The following GLRA2 variants were observed in gnomAD, a reference collection of about 807,000 sequenced individuals.
GLRA2 encodes the protein glycine receptor alpha 2.
In GLRA2, 11 loss-of-function variants were observed where a neutral mutation model predicts 31.6. The ratio of observed to expected loss-of-function variants is 0.35; its 90% CI spans 0.22 to 0.58. The LOEUF (loss-of-function observed/expected upper bound fraction) is 0.58. Among genes scored for constraint, GLRA2 ranks in the 20% least tolerant of loss-of-function variants. GLRA2 has a pLI of 0.84. For synonymous variants in GLRA2, 132 were observed against 134.0 expected (o/e 0.99, Z 0.10); for missense variants, 212 against 351.8 (o/e 0.60, Z 3.18).
At chrX:14,685,200 C>T (rs917506926) in intron 7 of GLRA2, among the ~76,000 whole-genome samples, 33 of 111,512 alleles carry the variant, frequency 3.0e-4, no homozygotes, top group African/African-American at 1.0e-3. Flanking sequence ...TTTTGATGTG[C>T]TGCTGGATTC....
the GLRA2 span, among the ~76,000 whole-genome samples, chrX:14,518,432 T>C: frequency 3.6e-5 from 4 of 111,350 alleles, no homozygotes; most frequent in African/African-American, 1.3e-4. Context: ...TTATGCAGCA[T>C]TATTATAGCA....
the GLRA2 span, among the ~76,000 whole-genome samples, chrX:14,492,039 A>G: frequency 9.0e-6 from 1 of 111,276 alleles, no homozygotes; most frequent in African/African-American, 3.3e-5. Context: ...AAAGAGAAAG[A>G]GCACCCAAAC....
At chrX:14,520,366 C>T in the GLRA2 span, among the ~76,000 whole-genome samples, 1 of 112,371 alleles carries the variant, frequency 8.9e-6, no homozygotes, top group Non-Finnish European at 1.9e-5. Context: ...AGAAATCTTT[C>T]TAATGCATCC....
At chrX:14,607,725 A>G (rs1008615644) in intron 6 of GLRA2, among the ~76,000 whole-genome samples, 4 of 111,376 alleles carry the variant, frequency 3.6e-5, no homozygotes, top group African/African-American at 1.3e-4. Flanking sequence ...AAACCCAGAA[A>G]TAGAGCTGTT....
the GLRA2 span, among the ~76,000 whole-genome samples, chrX:14,462,824 G>A: frequency 1.8e-5 from 2 of 111,279 alleles, no homozygotes; most frequent in Non-Finnish European, 3.8e-5. Context: ...TTTTATTACC[G>A]ACTTTCTGAA....
intron 2 of GLRA2, among the ~76,000 whole-genome samples, chrX:14,567,846 A>G (rs779029997): frequency 3.6e-4 from 40 of 112,433 alleles, no homozygotes; most frequent in African/African-American, 1.2e-3. Flanking sequence ...ATTTGACAAG[A>G]AAGTTAGAAA....
At chrX:14,480,786 G>C in the GLRA2 span, among the ~76,000 whole-genome samples, 1 of 111,705 alleles carries the variant, frequency 9.0e-6, no homozygotes, top group African/African-American at 3.3e-5. Context: ...TTGAAGTAGG[G>C]TAACGTGGTA....
intron 7 of GLRA2, among the ~76,000 whole-genome samples, chrX:14,610,810 G>C (rs1462488685): frequency 1.8e-5 from 2 of 112,318 alleles, no homozygotes; most frequent in African/African-American, 6.4e-5. Flanking sequence ...CAAAATGGGA[G>C]TTTGAGTTTT....
At chrX:14,654,517 T>C (rs1037219579) in intron 7 of GLRA2, among the ~76,000 whole-genome samples, 2 of 112,102 alleles carry the variant, frequency 1.8e-5, no homozygotes. Context: ...ATTCACTTTA[T>C]TGCAGTGGTC....
the GLRA2 span, among the ~76,000 whole-genome samples, chrX:14,491,305 A>G: frequency 5.4e-5 from 6 of 111,765 alleles, no homozygotes; most frequent in Admixed American, 9.5e-5. Context: ...GCCATCTATG[A>G]TTGCAAAAGG....
At chrX:14,491,753 G>T in the GLRA2 span, among the ~76,000 whole-genome samples, 1 of 111,219 alleles carries the variant, frequency 9.0e-6, no homozygotes. Context: ...AACACCTGAC[G>T]TCCTCCTAGA....
At chrX:14,676,794 T>C (rs1254555898) in intron 7 of GLRA2, among the ~76,000 whole-genome samples, 1 of 112,125 alleles carries the variant, frequency 8.9e-6, no homozygotes, top group Non-Finnish European at 1.9e-5. Context: ...ATTCATGACT[T>C]GATTTTCTAC....
chrX:14,714,235 G>C (rs1480324581), intron 8 of GLRA2, among the ~76,000 whole-genome samples: 1 of 110,779 alleles, frequency 9.0e-6, no homozygotes, highest in East Asian at 2.8e-4. Flanking sequence ...TCTCAAGTAG[G>C]GTTGATTTAC....
In GLRA2 at chrX:14,691,468, TA is replaced by T. The variant is rs756037865; in HGVS notation, c.1080+610del. Among the ~76,000 whole-genome samples the T allele has an allele frequency of 1.8e-4, 20 of 112,121 alleles. No homozygotes were observed. The Admixed American group carries it at 1.9e-3, about 11-fold the overall frequency. ...GGCCTCATTATCTCAACTTAAACTT[TA>T]GTGCAGAATTCTAAGCTTTACACTG... On this transcript the variant is annotated intron_variant, in intron 8 of 8. Transcript: ENST00000218075.
At chrX:14,681,908 A>ATATATATAT (rs1225909977) in intron 7 of GLRA2, among the ~76,000 whole-genome samples, 15 of 38,898 alleles carry the variant, frequency 3.9e-4, no homozygotes, top group African/African-American at 1.2e-3. Flanking sequence ...AAAAAAAAAA[A>ATATATATAT]AAATATATAT....
chrX:14,464,847 G>A, the GLRA2 span, among the ~76,000 whole-genome samples: 1 of 111,987 alleles, frequency 8.9e-6, no homozygotes, highest in African/African-American at 3.2e-5. Flanking sequence ...GAGCCACCGC[G>A]CCCAGCCTAT....
At chrX:14,588,560 C>G (rs2090107325) in intron 4 of GLRA2, among the ~76,000 whole-genome samples, 1 of 111,281 alleles carries the variant, frequency 9.0e-6, no homozygotes, top group Non-Finnish European at 1.9e-5. Context: ...CTTTGGTTAT[C>G]TGGGCTGTTT....
intron 7 of GLRA2, among the ~76,000 whole-genome samples, chrX:14,683,391 T>C (rs1222459908): frequency 8.9e-6 from 1 of 111,861 alleles, no homozygotes; most frequent in Admixed American, 9.5e-5. Flanking sequence ...CATTTGTTGA[T>C]GGGGTTGTTT....
chrX:14,536,856 G>A (rs1161609306), intron 2 of GLRA2, among the ~76,000 whole-genome samples: 1 of 111,531 alleles, frequency 9.0e-6, no homozygotes, highest in African/African-American at 3.3e-5. Flanking sequence ...AGGTGTCTAC[G>A]AATGTCAAGT....
Sources: gnomAD v4.1 joint callset for allele counts (sites outside exome capture counted in the v4.1 genomes callset) on GRCh38, gnomAD v4.1.1 for gene constraint, MANE v1.5 for transcripts, NCBI Gene and HGNC (gene_info 2026-07-23, HGNC 2026-07-21) for gene names.